The following RORA variants were observed in gnomAD, a reference collection of about 807,000 sequenced individuals.
RORA encodes the protein nuclear receptor ROR-alpha.
Under a neutral mutation model 69.5 loss-of-function variants are expected in RORA, and 7 were observed. That is an observed-to-expected ratio of 0.10 (90% CI 0.06 to 0.19). The LOEUF is 0.19. RORA is among the 10% of genes least tolerant of loss of function. The pLI is 1.00. For missense variants in RORA, 457 were observed against 663.0 expected (o/e 0.69, Z 3.41); for synonymous variants, 261 against 240.8 (o/e 1.08, Z -0.78).
At position 60,887,972 on chromosome 15, in the gene RORA, A is replaced by T. The variant is rs35914666; in HGVS notation, c.167-209286T>A. 7.4e-3 allele frequency among the ~76,000 whole-genome samples: 1,120 copies of T among 152,304 alleles called. 7 individuals carry two copies. The highest frequency in any genetic ancestry group is 0.013 in the Non-Finnish European group (856 of 68,012). ...AAGAGCCCAAAATGAAGAAAATCTA[A>T]AAATTAGCCCGACTTAGCCAATAAA... On this transcript the variant is annotated intron_variant, in intron 1 of 10. Transcript: ENST00000335670.
intron 2 of RORA, among the ~76,000 whole-genome samples, chr15:60,553,313 G>A (rs1480648221): frequency 1.3e-5 from 2 of 152,316 alleles, no homozygotes. Context: ...TCAAGTGAAT[G>A]CTTGGGGGCT....
intron 2 of RORA, among the ~76,000 whole-genome samples, chr15:60,551,581 C>T (rs1240437799): frequency 2.0e-5 from 3 of 152,188 alleles, no homozygotes; most frequent in Non-Finnish European, 4.4e-5. Context: ...CCTACCGCCC[C>T]ACAATGATAC....
chr15:60,665,464 T>C (rs989221535), intron 2 of RORA, among the ~76,000 whole-genome samples: 1 of 152,218 alleles, frequency 6.6e-6, no homozygotes, highest in Non-Finnish European at 1.5e-5. Flanking sequence ...TCTAGAAAGA[T>C]AGGCAAGTAT....
chr15:60,697,564 CTTTTT>C (rs577116893), intron 1 of RORA, among the ~76,000 whole-genome samples: 1 of 144,772 alleles, frequency 6.9e-6, no homozygotes. Flanking sequence ...TTCAAGTCTA[CTTTTT>C]TTTTTTTTTC....
At chr15:60,800,437 C>G (rs1158689391) in intron 1 of RORA, among the ~76,000 whole-genome samples, 1 of 152,168 alleles carries the variant, frequency 6.6e-6, no homozygotes, top group Non-Finnish European at 1.5e-5. Context: ...TTGGTAACAG[C>G]GTCTCTGACT....
At position 60,699,917 on chromosome 15, in the gene RORA, G is replaced by C. The variant is rs553713205; in HGVS notation, c.167-21231C>G. On this transcript the variant is annotated intron_variant, in intron 1 of 10. Transcript: ENST00000335670. The stretch of plus-strand genomic sequence containing the variant: ...TAGGATTATATTCCTGAAGCTAAGA[G>C]GGCTTCATTTGCTGATTTCAGACAA... Among the ~76,000 whole-genome samples the C allele has an allele frequency of 2.8e-4, 43 of 152,014 alleles. 1 individual carries two copies. In the South Asian group the frequency reaches 8.9e-3, roughly 32 times the overall value.
At chr15:60,528,981 G>C (rs749660224) in intron 3 of RORA, 3 of 152,134 alleles carry the variant, frequency 2.0e-5, no homozygotes, top group East Asian at 1.9e-4. Flanking sequence ...GGGAGAGGAT[G>C]AACTAGGAAG....
At chr15:60,805,704 G>C (rs2072650726) in intron 1 of RORA, among the ~76,000 whole-genome samples, 1 of 152,298 alleles carries the variant, frequency 6.6e-6, no homozygotes. Context: ...AGCCCAGTAG[G>C]CTCCTCTCTC....
chr15:60,571,862 C>G (rs555487566), intron 2 of RORA, among the ~76,000 whole-genome samples: 1 of 152,316 alleles, frequency 6.6e-6, no homozygotes, highest in East Asian at 1.9e-4. Context: ...TAGGCCAACA[C>G]ATAAATTGAC....
chr15:60,826,786 TCTC>T (rs1295284625), intron 1 of RORA, among the ~76,000 whole-genome samples: 38 of 93,108 alleles, frequency 4.1e-4, no homozygotes, highest in East Asian at 1.1e-3. Context: ...TCTCTCTCTC[TCTC>T]TTTTTTTTTT....
chr15:60,832,956 G>C (rs926296281), intron 1 of RORA, among the ~76,000 whole-genome samples: 2 of 152,138 alleles, frequency 1.3e-5, no homozygotes, highest in Admixed American at 6.5e-5. Flanking sequence ...CCAGGCTGGA[G>C]TGCAGTGGCG....
chr15:61,175,602 G>C (rs1408022416), intron 1 of RORA, among the ~76,000 whole-genome samples: 1 of 108,842 alleles, frequency 9.2e-6, no homozygotes, highest in Admixed American at 8.4e-5. Context: ...CCAGCTACTT[G>C]GAAGGGCTGA....
intron 1 of RORA, among the ~76,000 whole-genome samples, chr15:60,841,936 T>C (rs1473661233): frequency 6.6e-6 from 1 of 152,170 alleles, no homozygotes; most frequent in African/African-American, 2.4e-5. Flanking sequence ...CTGGGTCCAG[T>C]GATCCCAGAT....
At chr15:61,195,592 G>T (rs779378020) in intron 1 of RORA, among the ~76,000 whole-genome samples, 4 of 151,920 alleles carry the variant, frequency 2.6e-5, no homozygotes, top group African/African-American at 9.7e-5. Flanking sequence ...CCCTACTATT[G>T]ACCCCATTGA....
intron 1 of RORA, among the ~76,000 whole-genome samples, chr15:60,754,210 T>A (rs1320640701): frequency 2.0e-5 from 3 of 152,244 alleles, no homozygotes; most frequent in Non-Finnish European, 4.4e-5. Flanking sequence ...TTGAAAATCA[T>A]CGGCTGCTTT....
intron 1 of RORA, among the ~76,000 whole-genome samples, chr15:61,218,446 G>C (rs1015619322): frequency 6.6e-6 from 1 of 152,074 alleles, no homozygotes; most frequent in African/African-American, 2.4e-5. Flanking sequence ...TTCAGAATCA[G>C]TTCCTTCAAA....
At chr15:60,835,606 A>G (rs1407898011) in intron 1 of RORA, among the ~76,000 whole-genome samples, 3 of 152,240 alleles carry the variant, frequency 2.0e-5, no homozygotes, top group Non-Finnish European at 4.4e-5. Context: ...CTCTCATGGC[A>G]ATCGTGATTT....
chr15:60,771,303 C>G (rs968054981), intron 1 of RORA, among the ~76,000 whole-genome samples: 1 of 152,194 alleles, frequency 6.6e-6, no homozygotes, highest in African/African-American at 2.4e-5. Context: ...CCTGAACACT[C>G]AGCCAAAAGT....
At chr15:60,773,209 C>T (rs150720860) in intron 1 of RORA, among the ~76,000 whole-genome samples, 7 of 152,234 alleles carry the variant, frequency 4.6e-5, no homozygotes, top group East Asian at 3.9e-4. Flanking sequence ...ACAGGCTTTC[C>T]GGCGGGCTCT....
Sources: gnomAD v4.1 joint callset for allele counts (sites outside exome capture counted in the v4.1 genomes callset) on GRCh38, gnomAD v4.1.1 for gene constraint, MANE v1.5 for transcripts, NCBI Gene and HGNC (gene_info 2026-07-23, HGNC 2026-07-21) for gene names.